Variants in OXTR observed in about 807,000 individuals in gnomAD.
OXTR encodes the protein oxytocin receptor.
Under a neutral mutation model 23.9 loss-of-function variants are expected in OXTR, and 19 were observed. The ratio of observed to expected loss-of-function variants is 0.80; its 90% CI spans 0.56 to 1.17. OXTR has a LOEUF of 1.17. OXTR is among the 50% of genes most tolerant of loss of function. The probability of loss-of-function intolerance (pLI) is 0.00; values close to 1 mark genes in which losing one functional copy is unlikely to be tolerated. For synonymous variants in OXTR, 278 were observed against 250.5 expected (o/e 1.11, Z -1.04); for missense variants, 500 against 550.7 (o/e 0.91, Z 0.92).
At chr3:8,765,441 C>T (rs1708584794) in intron 3 of OXTR, among the ~76,000 whole-genome samples, 1 of 152,174 alleles carries the variant, frequency 6.6e-6, no homozygotes, top group African/African-American at 2.4e-5. Flanking sequence ...CTGAAATGTC[C>T]TCATTCTAAA....
downstream of OXTR, among the ~76,000 whole-genome samples, chr3:8,749,704 A>G (rs533461420): frequency 2.6e-5 from 4 of 152,192 alleles, no homozygotes; most frequent in Admixed American, 6.5e-5. Flanking sequence ...AGACGATACT[A>G]TCTTCAGTCT....
At position 8,767,787 on chromosome 3, in the gene OXTR, G is replaced by A. The variant is rs1253391808; in HGVS notation, c.401C>T (p.Ser134Phe). Residue 134 changes from serine (S) to phenylalanine (F), a missense_variant, in exon 3 of 4, where the codon TCC becomes TTC. By Grantham distance (155) the Ser-to-Phe change is radical. Transcript: ENST00000316793. ...FASTYLLLLM[S>F]LDRCLAICQP... The stretch of plus-strand genomic sequence containing the variant: ...GCAGATGGCCAGGCAGCGGTCCAGG[G>A]ACATGAGCAGCAGCAGGTAGGTGGA... 8.1e-6 allele frequency: 13 copies of A among 1,607,512 alleles called. No homozygotes were observed. In the Admixed American group the frequency reaches 2.0e-4, roughly 25 times the overall value.
chr3:8,741,590 T>C, the OXTR span, among the ~76,000 whole-genome samples: 1 of 152,100 alleles, frequency 6.6e-6, no homozygotes, highest in East Asian at 1.9e-4. Flanking sequence ...AGAGGGAAAG[T>C]ACCATGCCCC....
At chr3:8,748,636 A>G (rs572124671), downstream of OXTR, among the ~76,000 whole-genome samples, 1 of 152,212 alleles carries the variant, frequency 6.6e-6, no homozygotes, top group Non-Finnish European at 1.5e-5. Flanking sequence ...GAAGCAGACA[A>G]CTTATGATCA....
intron 3 of OXTR, among the ~76,000 whole-genome samples, chr3:8,757,747 G>A (rs1708401761): frequency 6.6e-6 from 1 of 152,166 alleles, no homozygotes; most frequent in African/African-American, 2.4e-5. Flanking sequence ...GGATGCAGAG[G>A]AGAGGCTGTC....
At chr3:8,756,003 T>C (rs1708365941) in intron 3 of OXTR, among the ~76,000 whole-genome samples, 1 of 152,044 alleles carries the variant, frequency 6.6e-6, no homozygotes, top group African/African-American at 2.4e-5. Flanking sequence ...GACAGGAGGA[T>C]CTTAAATCCA....
At chr3:8,746,057 C>T (rs1179427508), downstream of OXTR, 4 of 582,384 alleles carry the variant, frequency 6.9e-6, no homozygotes, top group Non-Finnish European at 1.2e-5. Context: ...AATGGCCCTT[C>T]GCTCTCCCCC....
Position 8,768,625 on chromosome 3 carries a change from T to G in OXTR, c.-238-34A>C. 6.3e-6 allele frequency: 1 copy of G among 158,230 alleles called. No homozygotes were observed. The highest frequency in any genetic ancestry group is 1.4e-5 in the Non-Finnish European group (1 of 72,494). 9.8% of individuals were successfully genotyped at this position (158,230 alleles called of 1,614,324 possible). ...GAAGGGAGGGTCAAAATCAGCAACG[T>G]TCCTCCGGGAGTGGGAATCTAAAAC... On this transcript the variant is annotated intron_variant, in intron 1 of 3. Transcript: ENST00000316793. The surrounding 1 kb of genome is among the most constrained non-coding windows in gnomAD (Gnocchi z 5.4).
At position 8,769,477 on chromosome 3, in the gene OXTR, A is replaced by C. The variant is rs968389; in HGVS notation, c.-485T>G. 1 of 152,180 alleles carries C rather than the reference A, an allele frequency of 6.6e-6. No individual in the cohort carries two copies. Among genetic ancestry groups the C allele is most frequent in the Non-Finnish European group, 1.5e-5 (1 of 68,054 alleles). The allele number at this position is 152,180 out of a possible 1,614,324, so 9.4% of individuals were successfully genotyped here. A position where few individuals can be genotyped will look rare whatever the true frequency, so the allele number is the denominator to read the frequency against. ...CGCCTCCCAGGCTGCGCGCGCGGACAGCGTCTGGATGCGGCGCTGTGCGCT... is the reference window on the plus strand; with the variant it reads ...CGCCTCCCAGGCTGCGCGCGCGGACCGCGTCTGGATGCGGCGCTGTGCGCT... On this transcript the variant is annotated 5_prime_UTR_variant, in exon 1 of 4. Coordinates refer to ENST00000316793, the MANE Select transcript of OXTR (RefSeq NM_000916.4).
In OXTR at chr3:8,767,975, G is replaced by A. The variant is rs905569921; in HGVS notation, c.213C>T (p.His71=). Residue 71 remains histidine (H), a synonymous_variant, in exon 3 of 4, where the codon CAC becomes CAT. Coordinates refer to ENST00000316793, the MANE Select transcript of OXTR (RefSeq NM_000916.4). The part of the protein sequence containing the change: ...LLALRTTRQK[H]SRLFFFMKHL... Reference sequence around the variant, plus strand: ...GCTTCATGAAGAAGAAGAGGCGCGAGTGCTTCTGGCGTGTGGTGCGCAGCG... The same window carrying A: ...GCTTCATGAAGAAGAAGAGGCGCGAATGCTTCTGGCGTGTGGTGCGCAGCG... The A allele has an allele frequency of 6.2e-7, 1 of 1,612,438 alleles. No homozygotes were observed. Among genetic ancestry groups the A allele is most frequent in the South Asian group, 1.1e-5 (1 of 90,728 alleles).
downstream of OXTR, chr3:8,746,769 C>T (rs1708174873): frequency 6.9e-6 from 1 of 145,000 alleles, no homozygotes; most frequent in Admixed American, 6.8e-5. Flanking sequence ...GCATGTATCA[C>T]TTCCTCCCTC....
At chr3:8,766,695 GC>G (rs1332666416) in intron 3 of OXTR, among the ~76,000 whole-genome samples, 1 of 151,476 alleles carries the variant, frequency 6.6e-6, no homozygotes, top group African/African-American at 2.4e-5. Flanking sequence ...GGACTCCTCT[GC>G]CCCCCAACAC....
chr3:8,745,828 C>A (rs147250678), downstream of OXTR: 1 of 1,613,698 alleles, frequency 6.2e-7, no homozygotes. The surrounding 1 kb of genome is among the most constrained non-coding windows in gnomAD (Gnocchi z 4.8). Context: ...TGGGCCAGGT[C>A]TGCAGCAGCA....
At chr3:8,761,576 C>T (rs1708488253) in intron 3 of OXTR, among the ~76,000 whole-genome samples, 1 of 152,184 alleles carries the variant, frequency 6.6e-6, no homozygotes, top group South Asian at 2.1e-4. Flanking sequence ...CCAGCTCCAT[C>T]ACTTACTCAG....
chr3:8,760,085 G>T (rs911392742), intron 3 of OXTR, among the ~76,000 whole-genome samples: 6 of 152,292 alleles, frequency 3.9e-5, no homozygotes, highest in Non-Finnish European at 8.8e-5. Flanking sequence ...AAAATGCTAG[G>T]CCTGTACCCA....
the OXTR span, chr3:8,744,910 T>C: frequency 3.1e-4 from 47 of 153,282 alleles, no homozygotes; most frequent in African/African-American, 1.1e-3. Flanking sequence ...AGCAGCAGCT[T>C]GGGCTCAACA....
intron 3 of OXTR, among the ~76,000 whole-genome samples, chr3:8,765,318 C>G (rs1708581345): frequency 6.6e-6 from 1 of 152,032 alleles, no homozygotes; most frequent in South Asian, 2.1e-4. Context: ...GAGGAGGGAG[C>G]TGGGAGGAAA....
chr3:8,758,321 C>T (rs567591322), intron 3 of OXTR, among the ~76,000 whole-genome samples: 1 of 152,152 alleles, frequency 6.6e-6, no homozygotes, highest in Non-Finnish European at 1.5e-5. Context: ...ACCGCCTCTC[C>T]GGGCTGTGCT....
chr3:8,745,659 C>T (rs1708135693), downstream of OXTR: 4 of 1,613,990 alleles, frequency 2.5e-6, no homozygotes, highest in Non-Finnish European at 3.4e-6. The surrounding 1 kb of genome is among the most constrained non-coding windows in gnomAD (Gnocchi z 4.8). Context: ...CTGGGCGTCC[C>T]ACTGGCCCTG....
Sources: allele counts gnomAD v4.1 joint callset (sites outside exome capture counted in the v4.1 genomes callset), GRCh38; gene constraint gnomAD v4.1.1; non-coding constraint Gnocchi (gnomAD v3.1); transcripts MANE v1.5; gene names NCBI Gene and HGNC (gene_info 2026-07-23, HGNC 2026-07-21).